KCNH7: variants seen among roughly 807,000 people sequenced by gnomAD.
KCNH7 encodes the protein potassium voltage-gated channel subfamily H member 7.
A neutral mutation model predicts 120.8 loss-of-function variants in KCNH7; 49 were observed. The ratio of observed to expected loss-of-function variants is 0.41; its 90% CI spans 0.32 to 0.51. KCNH7 has a LOEUF of 0.51. Ranked by LOEUF, KCNH7 falls within the 20% of genes least tolerant of loss-of-function variation. The probability of loss-of-function intolerance (pLI) is 0.38; values close to 1 mark genes in which losing one functional copy is unlikely to be tolerated. For synonymous variants in KCNH7, 547 were observed against 516.1 expected, an observed-to-expected ratio of 1.06 and a Z score of -0.81; for missense variants, 1,097 against 1,446.6, an observed-to-expected ratio of 0.76 and a Z score of 3.92.
At chr2:162,595,201 C>A (rs2105940791) in intron 2 of KCNH7, among the ~76,000 whole-genome samples, 1 of 152,058 alleles carries the variant, frequency 6.6e-6, no homozygotes, top group East Asian at 1.9e-4. Context: ...GAAGCAAGCA[C>A]CTTTTTCACA....
chr2:162,397,267 G>C (rs552014263), intron 10 of KCNH7, among the ~76,000 whole-genome samples: 2 of 151,828 alleles, frequency 1.3e-5, no homozygotes, highest in South Asian at 4.1e-4. Flanking sequence ...CTTTCAGGTA[G>C]GTGTACTCTG....
chr2:162,621,785 T>A (rs937526252), intron 2 of KCNH7, among the ~76,000 whole-genome samples: 1 of 152,174 alleles, frequency 6.6e-6, no homozygotes, highest in Non-Finnish European at 1.5e-5. Context: ...CTATACAAAG[T>A]AACCATTGAC....
intron 8 of KCNH7, among the ~76,000 whole-genome samples, chr2:162,434,956 A>G (rs1688190186): frequency 6.6e-6 from 1 of 152,042 alleles, no homozygotes; most frequent in African/African-American, 2.4e-5. Flanking sequence ...GCAAGTTTCA[A>G]TTCCTGAAAC....
chr2:162,462,687 G>C (rs1224755988), intron 6 of KCNH7, among the ~76,000 whole-genome samples: 2 of 152,062 alleles, frequency 1.3e-5, no homozygotes, highest in East Asian at 3.9e-4. Flanking sequence ...TTGAAGCACA[G>C]TTAGATGATT....
chr2:162,411,396 C>T (rs1427153173), intron 9 of KCNH7, among the ~76,000 whole-genome samples: 2 of 151,874 alleles, frequency 1.3e-5, no homozygotes, highest in African/African-American at 4.8e-5. Context: ...TTATAAGTGG[C>T]AGCTAGACAT....
At chr2:162,737,738 C>A (rs1030094666) in intron 2 of KCNH7, among the ~76,000 whole-genome samples, 1 of 152,004 alleles carries the variant, frequency 6.6e-6, no homozygotes, top group African/African-American at 2.4e-5. Flanking sequence ...TAAAGTGGGC[C>A]AAGCACAGGA....
chr2:162,581,497 G>A (rs1468056618), intron 2 of KCNH7, among the ~76,000 whole-genome samples: 1 of 152,044 alleles, frequency 6.6e-6, no homozygotes, highest in Non-Finnish European at 1.5e-5. Context: ...GTTTGGAGGT[G>A]AGAGCTTATT....
At chr2:162,711,972 ATCTG>A (rs928555822) in intron 2 of KCNH7, among the ~76,000 whole-genome samples, 4 of 152,142 alleles carry the variant, frequency 2.6e-5, no homozygotes, top group African/African-American at 7.2e-5. Flanking sequence ...TTCTCTTCCC[ATCTG>A]TCTTTTTCCC....
chr2:162,372,645 T>C (rs1333741529), intron 15 of KCNH7, among the ~76,000 whole-genome samples: 1 of 152,152 alleles, frequency 6.6e-6, no homozygotes, highest in East Asian at 1.9e-4. Context: ...CATTACCTTC[T>C]CTTATTAGTG....
intron 2 of KCNH7, among the ~76,000 whole-genome samples, chr2:162,602,910 G>C (rs1694604213): frequency 6.7e-6 from 1 of 150,170 alleles, no homozygotes; most frequent in African/African-American, 2.4e-5. Flanking sequence ...GGAGGAGGAG[G>C]AGGAGGGTGA....
intron 7 of KCNH7, among the ~76,000 whole-genome samples, chr2:162,436,167 G>C (rs1256783484): frequency 6.6e-6 from 1 of 152,002 alleles, no homozygotes; most frequent in Non-Finnish European, 1.5e-5. Context: ...CATGGATTGG[G>C]GTAGAAACTG....
At chr2:162,636,353 C>T (rs948092127) in intron 2 of KCNH7, among the ~76,000 whole-genome samples, 3 of 152,118 alleles carry the variant, frequency 2.0e-5, no homozygotes, top group Admixed American at 1.3e-4. Context: ...GTTTGTAAGA[C>T]AGTCATTGTA....
intron 6 of KCNH7, among the ~76,000 whole-genome samples, chr2:162,473,782 A>G (rs1023757807): frequency 1.3e-5 from 2 of 152,196 alleles, no homozygotes; most frequent in Non-Finnish European, 2.9e-5. Flanking sequence ...TATACATAGG[A>G]GCTGAGGGAG....
chr2:162,530,474 A>G lies in KCNH7; in HGVS notation c.463+6451T>C, dbSNP rs548868822. Among the ~76,000 whole-genome samples, 1,148 of 147,222 alleles carry G rather than the reference A, an allele frequency of 7.8e-3. 12 individuals carry two copies. The highest frequency in any genetic ancestry group is 0.02 in the African/African-American group (790 of 39,104). On this transcript the variant is annotated intron_variant, in intron 3 of 15. Coordinates refer to ENST00000332142, the MANE Select transcript of KCNH7 (RefSeq NM_033272.4). ...CGCTAGTGTGCGCGAGCGTGCGCGCACACACACACACACACACACAATTAC... is the reference window on the plus strand; with the variant it reads ...CGCTAGTGTGCGCGAGCGTGCGCGCGCACACACACACACACACACAATTAC...
intron 2 of KCNH7, among the ~76,000 whole-genome samples, chr2:162,563,239 G>A (rs1192252292): frequency 6.6e-6 from 1 of 152,158 alleles, no homozygotes; most frequent in Non-Finnish European, 1.5e-5. Context: ...TAACTCCCTT[G>A]TTGGGGGTTT....
chr2:162,736,065 T>TA (rs973981648), intron 2 of KCNH7, among the ~76,000 whole-genome samples: 46 of 152,094 alleles, frequency 3.0e-4, no homozygotes, highest in African/African-American at 1.0e-3. Context: ...ATACATATAA[T>TA]AAAAAATCAG....
intron 1 of KCNH7, among the ~76,000 whole-genome samples, chr2:162,837,237 A>G (rs896079592): frequency 2.6e-5 from 4 of 152,180 alleles, no homozygotes; most frequent in Admixed American, 6.5e-5. Flanking sequence ...GCTTCTCCCT[A>G]TCTCTCTTAG....
At chr2:162,660,122 A>G in intron 2 of KCNH7, among the ~76,000 whole-genome samples, 1 of 152,046 alleles carries the variant, frequency 6.6e-6, no homozygotes, top group South Asian at 2.1e-4. Flanking sequence ...TTTTCATTTC[A>G]TTGATTTCCA....
intron 2 of KCNH7, among the ~76,000 whole-genome samples, chr2:162,783,598 G>T (rs926524064): frequency 1.3e-5 from 2 of 152,090 alleles, no homozygotes; most frequent in Non-Finnish European, 2.9e-5. Flanking sequence ...CTGTCAATTT[G>T]GAAAATGAGA....
Sources: gnomAD v4.1 joint callset for allele counts (sites outside exome capture counted in the v4.1 genomes callset) on GRCh38, gnomAD v4.1.1 for gene constraint, MANE v1.5 for transcripts, NCBI Gene and HGNC (gene_info 2026-07-23, HGNC 2026-07-21) for gene names.